The following MCOLN2 variants were observed in gnomAD, a reference collection of about 807,000 sequenced individuals.
MCOLN2 encodes mucolipin TRP cation channel 2.
Under a neutral mutation model 67.5 loss-of-function variants are expected in MCOLN2, and 57 were observed. The ratio of observed to expected loss-of-function variants is 0.84; its 90% CI spans 0.68 to 1.05. MCOLN2 has a LOEUF of 1.05. MCOLN2 is among the 50% of genes least tolerant of loss of function. MCOLN2 has a pLI of 0.00. For synonymous variants in MCOLN2, 246 were observed against 233.3 expected (o/e 1.05, Z -0.50); for missense variants, 620 against 678.8 (o/e 0.91, Z 0.96).
In MCOLN2 at chr1:84,931,519, C is replaced by T; in HGVS notation, c.1385G>A (p.Gly462Asp). The change falls in exon 12 of 14, where the codon GGT (glycine) becomes GAT (aspartate). Residue 462 changes from glycine (G) to aspartate (D), a missense_variant. By Grantham distance (94) the Gly-to-Asp change is moderately conservative. Transcript: ENST00000370608. ...GGCAAAGGTTGCAAACATGTCATCA[C>T]CGTTGACCAGAGAAAACAGACACTC... is the stretch of plus-strand genomic sequence containing the variant. ...VAECLFSLVN[G>D]DDMFATFAQI... 1.2e-6 allele frequency: 2 copies of T among 1,614,022 alleles called. No individual in the cohort carries two copies. Among genetic ancestry groups the T allele is most frequent in the Non-Finnish European group, 1.7e-6 (2 of 1,179,976 alleles).
intron 13 of MCOLN2, among the ~76,000 whole-genome samples, chr1:84,927,292 T>C (rs1243723782): frequency 6.6e-6 from 1 of 151,918 alleles, no homozygotes; most frequent in Non-Finnish European, 1.5e-5. Context: ...AAAGAATCTC[T>C]GTGTCCCTTC....
At chr1:84,987,902 T>C (rs1001752824) in intron 1 of MCOLN2, among the ~76,000 whole-genome samples, 24 of 151,922 alleles carry the variant, frequency 1.6e-4, no homozygotes, top group Non-Finnish European at 2.9e-4. Context: ...ACAATGGACT[T>C]TGGCGACTCG....
At chr1:84,934,048 T>C (rs1647298430) in intron 11 of MCOLN2, among the ~76,000 whole-genome samples, 1 of 152,190 alleles carries the variant, frequency 6.6e-6, no homozygotes, top group Admixed American at 6.5e-5. Context: ...GGTCCTAATG[T>C]GCTTCCAGTC....
At chr1:84,941,554 T>G (rs1215561947) in intron 7 of MCOLN2, among the ~76,000 whole-genome samples, 1 of 152,084 alleles carries the variant, frequency 6.6e-6, no homozygotes, top group Non-Finnish European at 1.5e-5. Flanking sequence ...GCTAATAAAT[T>G]CACTCAAATT....
chr1:84,942,330 A>T (rs983626939), intron 7 of MCOLN2, among the ~76,000 whole-genome samples: 5 of 152,202 alleles, frequency 3.3e-5, no homozygotes, highest in East Asian at 1.9e-4. Flanking sequence ...AATGGGAAAG[A>T]ACATGGTCTC....
At chr1:84,993,252 T>G (rs138786512) in intron 1 of MCOLN2, among the ~76,000 whole-genome samples, 3 of 152,366 alleles carry the variant, frequency 2.0e-5, no homozygotes, top group African/African-American at 7.2e-5. Flanking sequence ...CTGTCACATC[T>G]TCAGGCTTCT....
chr1:84,975,207 G>A (rs1018911183), intron 1 of MCOLN2, among the ~76,000 whole-genome samples: 5 of 152,138 alleles, frequency 3.3e-5, no homozygotes, highest in African/African-American at 1.2e-4. Flanking sequence ...AAGTAGCCAG[G>A]GAGTAGTTAC....
intron 1 of MCOLN2, among the ~76,000 whole-genome samples, chr1:84,987,906 C>T (rs1033768272): frequency 6.6e-6 from 1 of 151,622 alleles, no homozygotes; most frequent in East Asian, 1.9e-4. Context: ...TGGACTTTGG[C>T]GACTCGGGAA....
At chr1:84,978,749 T>A (rs1268197041) in intron 1 of MCOLN2, among the ~76,000 whole-genome samples, 2 of 152,128 alleles carry the variant, frequency 1.3e-5, no homozygotes, top group Non-Finnish European at 2.9e-5. Flanking sequence ...GGTTTCTGTA[T>A]TAGTCAGGTT....
intron 2 of MCOLN2, among the ~76,000 whole-genome samples, chr1:84,965,339 T>C (rs1351953267): frequency 6.6e-6 from 1 of 152,246 alleles, no homozygotes; most frequent in Non-Finnish European, 1.5e-5. Flanking sequence ...TTATAGAATC[T>C]GTACAGAGAG....
chr1:84,940,990 A>G lies in MCOLN2; in HGVS notation c.849T>C (p.Thr283=). The G allele has an allele frequency of 1.2e-6, 2 of 1,602,108 alleles. No individual in the cohort carries two copies. The highest frequency in any genetic ancestry group is 3.3e-4 in the Middle Eastern group (2 of 6,032). Reference sequence around the variant, plus strand: ...CCAGGACATACTGAGCATTTTTCTGAGCTGAGGAATAAAACAGAATTCAAA... The same window carrying G: ...CCAGGACATACTGAGCATTTTTCTGGGCTGAGGAATAAAACAGAATTCAAA... ...ECKDLNIFGS[T]QKNAQYVLVF... is the part of the protein sequence containing the mutation. Residue 283 remains threonine (T), a splice_region_variant and synonymous_variant, in exon 8 of 14, where the codon ACT becomes ACC. Transcript: ENST00000370608.
chr1:84,982,132 TG>T (rs1557662128), intron 1 of MCOLN2, among the ~76,000 whole-genome samples: 1 of 147,228 alleles, frequency 6.8e-6, no homozygotes, highest in African/African-American at 2.5e-5. Flanking sequence ...GAAGCTGGGG[TG>T]GGGGGAAGCA....
intron 5 of MCOLN2, 51 bp downstream of exon 5, chr1:84,952,395 T>C: frequency 1.3e-6 from 2 of 1,565,928 alleles, no homozygotes; most frequent in Non-Finnish European, 1.8e-6. Context: ...TATACTATTC[T>C]CCTTCTCCCA....
At chr1:84,943,950 T>A (rs1323225822) in intron 7 of MCOLN2, among the ~76,000 whole-genome samples, 1 of 152,090 alleles carries the variant, frequency 6.6e-6, no homozygotes, top group Non-Finnish European at 1.5e-5. Flanking sequence ...AATGCAAGAT[T>A]TTTTTTCCCC....
At chr1:84,993,646 C>G (rs1222649563) in intron 1 of MCOLN2, among the ~76,000 whole-genome samples, 1 of 123,178 alleles carries the variant, frequency 8.1e-6, no homozygotes, top group Non-Finnish European at 1.6e-5. Flanking sequence ...TTTTTTGAGA[C>G]GGAGTCTCGC....
intron 4 of MCOLN2, among the ~76,000 whole-genome samples, chr1:84,955,356 C>G (rs1342439890): frequency 1.3e-5 from 2 of 152,104 alleles, no homozygotes; most frequent in African/African-American, 2.4e-5. Context: ...GAATGGCTTT[C>G]ACGGTGCGAA....
intron 11 of MCOLN2, 159 bp downstream of exon 11, chr1:84,937,596 G>C: frequency 4.3e-6 from 6 of 1,409,930 alleles, no homozygotes; most frequent in Non-Finnish European, 5.6e-6. Context: ...TCTATATCCT[G>C]AAAAGGAAAA....
chr1:84,951,729 GA>G (rs1396607756), intron 6 of MCOLN2, among the ~76,000 whole-genome samples: 1 of 152,178 alleles, frequency 6.6e-6, no homozygotes, highest in Non-Finnish European at 1.5e-5. Flanking sequence ...TTTAAAAGTT[GA>G]AAAGGGTTTG....
intron 6 of MCOLN2, among the ~76,000 whole-genome samples, chr1:84,951,399 G>A (rs1023076781): frequency 1.3e-5 from 2 of 152,134 alleles, no homozygotes; most frequent in Admixed American, 1.3e-4. Flanking sequence ...AGGCGAGAAG[G>A]ACAGAGAAAG....
Sources: allele counts gnomAD v4.1 joint callset (sites outside exome capture counted in the v4.1 genomes callset), GRCh38; gene constraint gnomAD v4.1.1; transcripts MANE v1.5; gene names NCBI Gene and HGNC (gene_info 2026-07-23, HGNC 2026-07-21).